GPHN: variants seen among roughly 807,000 people sequenced by gnomAD.
GPHN encodes gephyrin.
In GPHN, 17 loss-of-function variants were observed where a neutral mutation model predicts 95.5. The ratio of observed to expected loss-of-function variants is 0.18; its 90% CI spans 0.12 to 0.27. The LOEUF is 0.27. Ranked by LOEUF, GPHN falls within the 10% of genes least tolerant of loss-of-function variation. The pLI is 1.00. For missense variants in GPHN, 660 were observed against 978.1 expected (o/e 0.67, Z 4.34); for synonymous variants, 320 against 322.5 (o/e 0.99, Z 0.08).
chr14:67,025,253 G>A (rs994360939), intron 10 of GPHN, among the ~76,000 whole-genome samples: 1 of 152,038 alleles, frequency 6.6e-6, no homozygotes, highest in African/African-American at 2.4e-5. Context: ...ACTACTATTT[G>A]TCTCTGTCTG....
At chr14:67,057,260 G>C (rs767584900) in intron 10 of GPHN, among the ~76,000 whole-genome samples, 2 of 152,198 alleles carry the variant, frequency 1.3e-5, no homozygotes, top group Admixed American at 1.3e-4. Context: ...CTATGCAGCC[G>C]TAAAAAGGAA....
chr14:66,539,524 C>T (rs2059275870), intron 1 of GPHN, among the ~76,000 whole-genome samples: 1 of 148,644 alleles, frequency 6.7e-6, no homozygotes, highest in Non-Finnish European at 1.5e-5. Flanking sequence ...AAGCGATTCT[C>T]CTGCCTCAGG....
chr14:67,212,954 A>C, the GPHN span, among the ~76,000 whole-genome samples: 1 of 151,730 alleles, frequency 6.6e-6, no homozygotes, highest in African/African-American at 2.4e-5. Flanking sequence ...TAACTATCTA[A>C]GGTTTCTATA....
intron 9 of GPHN, chr14:66,969,471 T>C (rs1033830835): frequency 6.6e-6 from 1 of 152,178 alleles, no homozygotes; most frequent in African/African-American, 2.4e-5. Flanking sequence ...GAGTGCTGAT[T>C]TTCAATTATG....
chr14:66,701,346 T>TA (rs2068536871), intron 2 of GPHN, among the ~76,000 whole-genome samples: 1 of 152,246 alleles, frequency 6.6e-6, no homozygotes, highest in South Asian at 2.1e-4. Context: ...TTATAACTAA[T>TA]ACATAATAAC....
chr14:66,677,869 T>C (rs1432603650), intron 1 of GPHN, among the ~76,000 whole-genome samples: 2 of 152,156 alleles, frequency 1.3e-5, no homozygotes, highest in African/African-American at 4.8e-5. Flanking sequence ...TTGGGTATAG[T>C]GTTATTAATC....
At chr14:66,973,743 G>A (rs1055199945) in intron 9 of GPHN, among the ~76,000 whole-genome samples, 4 of 152,104 alleles carry the variant, frequency 2.6e-5, no homozygotes, top group Non-Finnish European at 1.5e-5. Context: ...TGGTGACAGA[G>A]CAAGACTCTG....
intron 4 of GPHN, among the ~76,000 whole-genome samples, chr14:66,842,475 G>A (rs1273431595): frequency 6.6e-6 from 1 of 152,146 alleles, no homozygotes; most frequent in Admixed American, 6.5e-5. Flanking sequence ...GGAGGTAAGT[G>A]TGAAAGGGGA....
At chr14:67,355,560 A>G in the GPHN span, among the ~76,000 whole-genome samples, 1 of 151,652 alleles carries the variant, frequency 6.6e-6, no homozygotes, top group Non-Finnish European at 1.5e-5. Flanking sequence ...AGAAGCAAAC[A>G]TGGTGTTCAC....
intron 1 of GPHN, among the ~76,000 whole-genome samples, chr14:66,607,938 A>G (rs922967988): frequency 2.9e-4 from 44 of 151,468 alleles, no homozygotes; most frequent in Admixed American, 9.9e-4. Flanking sequence ...TATTCTTCCG[A>G]TAAACCTACT....
chr14:67,675,618 G>A, the GPHN span, among the ~76,000 whole-genome samples: 1 of 152,190 alleles, frequency 6.6e-6, no homozygotes, highest in Admixed American at 6.5e-5. Flanking sequence ...GTTGACAACA[G>A]GTGTTTGTCA....
the GPHN span, among the ~76,000 whole-genome samples, chr14:67,435,856 C>T: frequency 2.6e-5 from 4 of 152,200 alleles, no homozygotes; most frequent in Admixed American, 2.0e-4. Flanking sequence ...AGGTGTTGTC[C>T]TGTCCTTAGG....
the GPHN span, among the ~76,000 whole-genome samples, chr14:67,513,899 A>C: frequency 6.6e-6 from 1 of 152,186 alleles, no homozygotes; most frequent in African/African-American, 2.4e-5. Flanking sequence ...AAGGCCAAGC[A>C]CTGGGGACCT....
At chr14:67,613,096 A>G in the GPHN span, 1 of 152,126 alleles carries the variant, frequency 6.6e-6, no homozygotes, top group Non-Finnish European at 1.5e-5. Flanking sequence ...GCAATACAGG[A>G]GCATAGATTC....
chr14:67,666,047 T>TA, the GPHN span, among the ~76,000 whole-genome samples: 1 of 152,216 alleles, frequency 6.6e-6, no homozygotes, highest in Non-Finnish European at 1.5e-5. Context: ...TATTTTGTAA[T>TA]AAGCTGTCCC....
chr14:66,921,432 T>C (rs1296652660), intron 6 of GPHN, among the ~76,000 whole-genome samples: 1 of 151,944 alleles, frequency 6.6e-6, no homozygotes, highest in African/African-American at 2.4e-5. Flanking sequence ...TAGCCCACTT[T>C]TTGATGGGAT....
chr14:67,112,933 C>T, intron 15 of GPHN, 85 bp from the exon 16 acceptor site: 1 of 1,226,550 alleles, frequency 8.2e-7, no homozygotes, highest in East Asian at 2.3e-5. Context: ...TCTTGAATGT[C>T]CTTTTTTGAC....
chr14:66,869,426 C>T (rs560884677), intron 4 of GPHN, among the ~76,000 whole-genome samples: 19 of 152,278 alleles, frequency 1.2e-4, no homozygotes, highest in African/African-American at 4.3e-4. Flanking sequence ...CTAGTTGCAT[C>T]TCCCCATTTA....
the GPHN span, among the ~76,000 whole-genome samples, chr14:67,552,213 C>T: frequency 6.6e-6 from 1 of 152,148 alleles, no homozygotes; most frequent in African/African-American, 2.4e-5. Flanking sequence ...TGGCGTGTTA[C>T]CCCAGACCCA....
Sources: gnomAD v4.1 joint callset for allele counts (sites outside exome capture counted in the v4.1 genomes callset) on GRCh38, gnomAD v4.1.1 for gene constraint, MANE v1.5 for transcripts, NCBI Gene and HGNC (gene_info 2026-07-23, HGNC 2026-07-21) for gene names.